EML6: variants seen among roughly 807,000 people sequenced by gnomAD.
EML6 encodes EMAP like 6.
Under a neutral mutation model 240.1 loss-of-function variants are expected in EML6, and 154 were observed. The observed-to-expected ratio is 0.64, with a 90% confidence interval of 0.56 to 0.73. The LOEUF (loss-of-function observed/expected upper bound fraction) is 0.73, where lower values mean the gene tolerates loss of function less well. Ranked by LOEUF, EML6 falls within the 30% of genes least tolerant of loss-of-function variation. The pLI is 0.00. For missense variants in EML6, 2,964 were observed against 2,474.6 expected (o/e 1.20, Z -4.20); for synonymous variants, 1,148 against 899.0 (o/e 1.28, Z -4.95).
At position 54,937,538 on chromosome 2, in the gene EML6, G is replaced by A. The variant is rs532029008; in HGVS notation, c.4004+8787G>A. ...ACTGTACTCCAGCCTGGGCCATAGA[G>A]CAAGACTCTGTCTTTAAAAAAAAAA... is the stretch of plus-strand genomic sequence containing the variant. On this transcript the variant is annotated intron_variant, in intron 28 of 41. Transcript: ENST00000356458. Among the ~76,000 whole-genome samples, 4 of 106,250 alleles carry A rather than the reference G, an allele frequency of 3.8e-5. No homozygotes were observed. In the East Asian group the frequency reaches 1.2e-3, roughly 32 times the overall value. 69.7% of individuals were successfully genotyped at this position (106,250 alleles called of 152,430 possible).
chr2:54,745,240 A>G (rs1683861733), intron 2 of EML6, among the ~76,000 whole-genome samples: 1 of 152,146 alleles, frequency 6.6e-6, no homozygotes. Context: ...TAATCTTGGG[A>G]CAGACTATTC....
chr2:54,971,295 C>T lies in EML6; in HGVS notation c.*1200C>T, dbSNP rs1676999628. The stretch of plus-strand genomic sequence containing the variant: ...GACTTGGACAATCTTTACCAGAAGC[C>T]ATCCGTAAGCCCCTCAGTCACACTT... On this transcript the variant is annotated 3_prime_UTR_variant, in exon 42 of 42. Coordinates refer to ENST00000356458, the MANE Select transcript of EML6 (RefSeq NM_001039753.4). 1 of 152,196 alleles carries T rather than the reference C, an allele frequency of 6.6e-6. No homozygotes were observed. The highest frequency in any genetic ancestry group is 1.5e-5 in the Non-Finnish European group (1 of 68,034). 9.4% of individuals were successfully genotyped at this position (152,196 alleles called of 1,614,324 possible).
At chr2:54,752,408 A>G (rs778697533) in intron 2 of EML6, among the ~76,000 whole-genome samples, 2 of 152,206 alleles carry the variant, frequency 1.3e-5, no homozygotes, top group African/African-American at 2.4e-5. Context: ...CAGATCAAGA[A>G]ATAGAACATT....
intron 32 of EML6, among the ~76,000 whole-genome samples, chr2:54,954,728 T>G (rs1676151883): frequency 6.6e-6 from 1 of 152,190 alleles, no homozygotes; most frequent in Admixed American, 6.5e-5. Context: ...CTCACACACA[T>G]GCACACACAC....
At chr2:54,759,202 A>G (rs1292842990) in intron 2 of EML6, among the ~76,000 whole-genome samples, 1 of 149,652 alleles carries the variant, frequency 6.7e-6, no homozygotes, top group Non-Finnish European at 1.5e-5. Flanking sequence ...GTAGTAGGAA[A>G]TGACAAGTTC....
chr2:54,798,314 A>C (rs1021974015), intron 2 of EML6, among the ~76,000 whole-genome samples: 5 of 152,116 alleles, frequency 3.3e-5, no homozygotes, highest in Non-Finnish European at 7.4e-5. Flanking sequence ...CTGGGATTAT[A>C]GGTGCGCACC....
chr2:54,818,419 A>G (rs1016985700), intron 4 of EML6, among the ~76,000 whole-genome samples: 21 of 152,210 alleles, frequency 1.4e-4, no homozygotes, highest in South Asian at 2.1e-4. Context: ...GCTTCAGCCA[A>G]TGGCAGGCTG....
At chr2:54,813,995 CTT>C (rs1239107221) in intron 3 of EML6, among the ~76,000 whole-genome samples, 4 of 152,204 alleles carry the variant, frequency 2.6e-5, no homozygotes, top group Non-Finnish European at 4.4e-5. Context: ...TCATGTCTGA[CTT>C]AGTTGAATCT....
At chr2:54,796,564 C>G (rs1572910339) in intron 2 of EML6, among the ~76,000 whole-genome samples, 1 of 151,622 alleles carries the variant, frequency 6.6e-6, no homozygotes, top group Admixed American at 6.6e-5. Context: ...TAAAGGAACA[C>G]TTAAATCCTT....
At chr2:54,826,925 C>T (rs57876212) in intron 5 of EML6, among the ~76,000 whole-genome samples, 3,095 of 152,168 alleles carry the variant, frequency 0.02, 117 homozygotes, top group African/African-American at 0.071. Context: ...GTAATTCTAG[C>T]ACTTTGGGAG....
At chr2:54,948,781 G>A in intron 28 of EML6, 101 bp from the exon 29 acceptor site, 1 of 834,924 alleles carries the variant, frequency 1.2e-6, no homozygotes, top group Non-Finnish European at 2.0e-6. Flanking sequence ...TGAGGCGGGA[G>A]GAGAGAGGAG....
chr2:54,940,433 A>AT, intron 28 of EML6, among the ~76,000 whole-genome samples: 1 of 152,082 alleles, frequency 6.6e-6, no homozygotes, highest in African/African-American at 2.4e-5. Flanking sequence ...TGATTCCTTA[A>AT]TTTATTAGTC....
intron 17 of EML6, among the ~76,000 whole-genome samples, chr2:54,886,312 C>T (rs1387797376): frequency 6.6e-6 from 1 of 151,648 alleles, no homozygotes; most frequent in African/African-American, 2.4e-5. Flanking sequence ...ATTACAGGTG[C>T]CTGCCACCAC....
At chr2:54,825,386 C>G (rs146611610) in intron 5 of EML6, among the ~76,000 whole-genome samples, 185 of 152,090 alleles carry the variant, frequency 1.2e-3, no homozygotes, top group African/African-American at 4.2e-3. Context: ...TCTCTTTATT[C>G]TTTATTAAAA....
chr2:54,931,252 C>A (rs1313323140), intron 28 of EML6, among the ~76,000 whole-genome samples: 1 of 151,796 alleles, frequency 6.6e-6, no homozygotes, highest in African/African-American at 2.4e-5. Context: ...CCACCGCGCC[C>A]GGCGACCGTA....
At chr2:54,792,315 C>T (rs1411898931) in intron 2 of EML6, among the ~76,000 whole-genome samples, 4 of 152,252 alleles carry the variant, frequency 2.6e-5, no homozygotes, top group African/African-American at 4.8e-5. Flanking sequence ...TTATTGGTGG[C>T]AGTTTCTCTT....
intron 15 of EML6, among the ~76,000 whole-genome samples, chr2:54,870,199 T>C (rs1158338642): frequency 6.6e-6 from 1 of 152,162 alleles, no homozygotes; most frequent in African/African-American, 2.4e-5. Context: ...CTGCAGGTGG[T>C]AAAGCCTTTG....
At chr2:54,758,996 C>T (rs1467830594) in intron 2 of EML6, among the ~76,000 whole-genome samples, 2 of 151,956 alleles carry the variant, frequency 1.3e-5, no homozygotes, top group African/African-American at 2.4e-5. Flanking sequence ...ATGGATCACA[C>T]ACTTGAAAAC....
At chr2:54,851,105 C>G (rs1670059309) in intron 10 of EML6, among the ~76,000 whole-genome samples, 1 of 152,104 alleles carries the variant, frequency 6.6e-6, no homozygotes, top group Admixed American at 6.5e-5. Flanking sequence ...CAGAGATGAT[C>G]TTGGAAAGAA....
Sources: gnomAD v4.1 joint callset for allele counts (sites outside exome capture counted in the v4.1 genomes callset) on GRCh38, gnomAD v4.1.1 for gene constraint, MANE v1.5 for transcripts, NCBI Gene and HGNC (gene_info 2026-07-23, HGNC 2026-07-21) for gene names.